PCMT1: variants seen among roughly 807,000 people sequenced by gnomAD.
PCMT1 encodes protein-L-isoaspartate (D-aspartate) O-methyltransferase.
Under a neutral mutation model 29.2 loss-of-function variants are expected in PCMT1, and 9 were observed. The observed-to-expected ratio is 0.31, with a 90% confidence interval of 0.19 to 0.54. The LOEUF is 0.54. Ranked by LOEUF, PCMT1 falls within the 20% of genes least tolerant of loss-of-function variation. The pLI, the probability that PCMT1 is intolerant of heterozygous loss-of-function variation, is 0.95. For synonymous variants in PCMT1, 98 were observed against 97.5 expected, an observed-to-expected ratio of 1.00 and a Z score of -0.03; for missense variants, 184 against 282.2, an observed-to-expected ratio of 0.65 and a Z score of 2.49.
At chr6:149,796,818 G>GTT (rs199694406) in intron 6 of PCMT1, 37 of 179,266 alleles carry the variant, frequency 2.1e-4, no homozygotes, top group South Asian at 8.1e-4. Context: ...TTTGTTTTTT[G>GTT]TTTTTTGTTT....
At chr6:149,790,807 G>C (rs182413007) in intron 4 of PCMT1, among the ~76,000 whole-genome samples, 1 of 152,064 alleles carries the variant, frequency 6.6e-6, no homozygotes, top group African/African-American at 2.4e-5. Flanking sequence ...CCAGGAGTTC[G>C]AGACCAGCCT....
At chr6:149,752,036 G>GC (rs112593511) in intron 1 of PCMT1, among the ~76,000 whole-genome samples, 2 of 122,802 alleles carry the variant, frequency 1.6e-5, no homozygotes, top group Admixed American at 1.9e-4. Flanking sequence ...AATTTTTAGG[G>GC]TTTTTTTTTT....
intron 7 of PCMT1, among the ~76,000 whole-genome samples, chr6:149,806,590 G>C (rs1776021356): frequency 6.6e-6 from 1 of 151,758 alleles, no homozygotes; most frequent in African/African-American, 2.4e-5. Context: ...TTTTTGTTTT[G>C]TTTTATTTTG....
rs9688860 is a variant in PCMT1, at chr6:149,784,227, T to G, written c.193-5727T>G. The stretch of plus-strand genomic sequence containing the variant: ...ATGTCTTGGATTATGTGAGGCTGTA[T>G]CTATTCAAGGCCTTCTCTCCATATA... On this transcript the variant is annotated intron_variant, in intron 3 of 7. Transcript: ENST00000464889. Among the ~76,000 whole-genome samples the G allele has an allele frequency of 4.7e-3, 721 of 152,342 alleles. 5 individuals carry two copies. The highest frequency in any genetic ancestry group is 0.016 in the African/African-American group (683 of 41,572).
In PCMT1 at chr6:149,798,410, C is replaced by T. The variant is rs548893569; in HGVS notation, c.504+1910C>T. Among the ~76,000 whole-genome samples, 4 of 151,966 alleles carry T rather than the reference C, an allele frequency of 2.6e-5. No homozygotes were observed. The East Asian group carries it at 5.8e-4, about 22-fold the overall frequency. On this transcript the variant is annotated intron_variant, in intron 6 of 7. Transcript: ENST00000464889. The stretch of plus-strand genomic sequence containing the variant: ...AGGGCCCATTTCTCCCTACTGGGAC[C>T]CTGAAGTGATCTTGAAAGATATTTC...
intron 6 of PCMT1, among the ~76,000 whole-genome samples, chr6:149,798,669 G>C (rs370333461): frequency 3.9e-5 from 6 of 152,244 alleles, no homozygotes; most frequent in African/African-American, 1.2e-4. Flanking sequence ...GAACTCCACA[G>C]TGTGTGAAGA....
chr6:149,803,151 G>A (rs545022854), intron 7 of PCMT1, among the ~76,000 whole-genome samples: 16 of 151,146 alleles, frequency 1.1e-4, no homozygotes, highest in East Asian at 5.8e-4. Flanking sequence ...GATAACGGTC[G>A]TCTCAGTTTT....
At chr6:149,795,563 C>G in intron 5 of PCMT1, 1 of 512,576 alleles carries the variant, frequency 2.0e-6, no homozygotes, top group Non-Finnish European at 3.5e-6. Context: ...GAGAACACAA[C>G]TTTACACAAC....
At chr6:149,765,895 G>T (rs1047706670) in intron 1 of PCMT1, 1 of 163,064 alleles carries the variant, frequency 6.1e-6, no homozygotes, top group South Asian at 1.5e-4. Context: ...GAACCCGGGA[G>T]GTGGAGGTTG....
intron 7 of PCMT1, among the ~76,000 whole-genome samples, chr6:149,805,675 C>T (rs546736687): frequency 5.9e-5 from 9 of 151,912 alleles, no homozygotes; most frequent in African/African-American, 1.4e-4. Flanking sequence ...CAGTGGCTCA[C>T]GCCTGTAATC....
intron 1 of PCMT1, among the ~76,000 whole-genome samples, chr6:149,762,356 A>G (rs997765950): frequency 2.0e-5 from 3 of 151,478 alleles, no homozygotes; most frequent in African/African-American, 7.3e-5. Flanking sequence ...CAGATCGGGT[A>G]TGGGTGGCTC....
rs756014067 is a variant in PCMT1 at position 149,758,208 on chromosome 6, C to CTTTTTTTTTTTTTTTTTT, written c.55+8253_55+8270dup. On this transcript the variant is annotated intron_variant, in intron 1 of 7. Coordinates refer to ENST00000464889, the MANE Select transcript of PCMT1 (RefSeq NM_001360452.2). ...CAATTTTTTTTTTCTTTCTTTCTTT[C>CTTTTTTTTTTTTTTTTTT]TTTTTTTTTTTTTTTTTTCTGAGAC... Among the ~76,000 whole-genome samples, 167 of 73,836 alleles carry CTTTTTTTTTTTTTTTTTT rather than the reference C, an allele frequency of 2.3e-3. 1 individual carries two copies. Among genetic ancestry groups the CTTTTTTTTTTTTTTTTTT allele is most frequent in the East Asian group, 6.0e-3 (6 of 998 alleles). The allele number at this position is 73,836 out of a possible 152,430, so 48.4% of individuals were successfully genotyped here.
rs1321202378 is a variant in PCMT1 at position 149,811,404 on chromosome 6, TTAAAAG to T, written c.*833_*838del. 6.5e-6 allele frequency: 1 copy of T among 152,678 alleles called. No individual in the cohort carries two copies. The highest frequency in any genetic ancestry group is 1.5e-5 in the Non-Finnish European group (1 of 68,050). The allele number at this position is 152,678 out of a possible 1,614,324, so 9.5% of individuals were successfully genotyped here. A position where few individuals can be genotyped will look rare whatever the true frequency, so the allele number is the denominator to read the frequency against. Reference sequence around the variant, plus strand: ...TGCAGTGCTGCTTTGCCAAATAAAGTTAAAAGTAAAAGAGGCATTGGTTGTTTTTGA... The same window carrying T: ...TGCAGTGCTGCTTTGCCAAATAAAGTTAAAAGAGGCATTGGTTGTTTTTGA... On this transcript the variant is annotated 3_prime_UTR_variant, in exon 8 of 8. Transcript: ENST00000464889.
At chr6:149,749,701 T>C (rs1446205665), upstream of PCMT1, 1 of 1,504,202 alleles carries the variant, frequency 6.6e-7, no homozygotes, top group African/African-American at 1.4e-5. Context: ...CCGCGCGGCG[T>C]CACAGAGCGC....
At chr6:149,757,887 T>G (rs1786572789) in intron 1 of PCMT1, among the ~76,000 whole-genome samples, 1 of 152,120 alleles carries the variant, frequency 6.6e-6, no homozygotes, top group South Asian at 2.1e-4. Flanking sequence ...AAAAAATATT[T>G]TATTTTATTT....
At chr6:149,754,316 T>G (rs1408508809) in intron 1 of PCMT1, among the ~76,000 whole-genome samples, 1 of 152,182 alleles carries the variant, frequency 6.6e-6, no homozygotes, top group East Asian at 1.9e-4. Flanking sequence ...ATTTTATGAT[T>G]ATGGACTGGT....
intron 1 of PCMT1, among the ~76,000 whole-genome samples, chr6:149,751,991 G>C (rs905698977): frequency 1.3e-5 from 2 of 150,166 alleles, no homozygotes; most frequent in Admixed American, 6.7e-5. Context: ...TCCCACTTCA[G>C]CCTCCTGAGT....
chr6:149,786,129 A>ACCTC (rs1788043712), intron 3 of PCMT1, among the ~76,000 whole-genome samples: 1 of 117,744 alleles, frequency 8.5e-6, no homozygotes, highest in Non-Finnish European at 1.7e-5. Context: ...GGCGCCCCTC[A>ACCTC]CCTCCCGGAC....
rs1176396427 is a variant in PCMT1 at position 149,811,251 on chromosome 6, C to T, written c.*673C>T. ...TTGGACATAACTGACTTAGTTCTTC[C>T]CTTCTCTCTCTCTCAAAATTATAGG... is the stretch of plus-strand genomic sequence containing the variant. On this transcript the variant is annotated 3_prime_UTR_variant, in exon 8 of 8. Coordinates refer to ENST00000464889, the MANE Select transcript of PCMT1 (RefSeq NM_001360452.2). The T allele has an allele frequency of 1.3e-5, 2 of 152,596 alleles. No individual in the cohort carries two copies. Among genetic ancestry groups the T allele is most frequent in the Non-Finnish European group, 2.9e-5 (2 of 68,056 alleles). The allele number at this position is 152,596 out of a possible 1,614,324, so 9.5% of individuals were successfully genotyped here.
Sources: gnomAD v4.1 joint callset for allele counts (sites outside exome capture counted in the v4.1 genomes callset) on GRCh38, gnomAD v4.1.1 for gene constraint, MANE v1.5 for transcripts, NCBI Gene and HGNC (gene_info 2026-07-23, HGNC 2026-07-21) for gene names.